PIK3CA: variants seen among roughly 807,000 people sequenced by gnomAD.
The protein encoded by PIK3CA is phosphatidylinositol 4,5-bisphosphate 3-kinase catalytic subunit alpha isoform.
PIK3CA carries 27 observed loss-of-function variants against 138.2 expected under a neutral mutation model. The ratio of observed to expected loss-of-function variants is 0.20; its 90% CI spans 0.14 to 0.27. The LOEUF is 0.27. PIK3CA is among the 10% of genes least tolerant of loss of function. The pLI, the probability that PIK3CA is intolerant of heterozygous loss-of-function variation, is 1.00. For missense variants in PIK3CA, 544 were observed against 1,277.4 expected (o/e 0.43, Z 8.75); for synonymous variants, 358 against 413.2 (o/e 0.87, Z 1.62).
intron 1 of PIK3CA, among the ~76,000 whole-genome samples, chr3:179,161,914 T>C (rs1443083602): frequency 6.6e-6 from 1 of 152,182 alleles, no homozygotes; most frequent in Non-Finnish European, 1.5e-5. Flanking sequence ...AAAAGCTGAG[T>C]GATTAAACAT....
chr3:179,150,201 GTT>G (rs1491289057), intron 1 of PIK3CA, among the ~76,000 whole-genome samples: 11 of 148,836 alleles, frequency 7.4e-5, no homozygotes, highest in Non-Finnish European at 1.5e-4. Flanking sequence ...GTGTGTGTGT[GTT>G]GGTATTTTGC....
intron 1 of PIK3CA, among the ~76,000 whole-genome samples, chr3:179,188,659 C>T (rs1020976807): frequency 2.6e-5 from 4 of 152,136 alleles, no homozygotes; most frequent in African/African-American, 7.2e-5. Context: ...TCTGCCTTGA[C>T]TCCCTTCCTC....
intron 1 of PIK3CA, among the ~76,000 whole-genome samples, chr3:179,174,423 T>C (rs1029613523): frequency 3.3e-5 from 5 of 152,222 alleles, no homozygotes; most frequent in African/African-American, 1.2e-4. Flanking sequence ...TGAGCCGAGA[T>C]TGTGCCACTG....
chr3:179,162,607 A>G (rs563773883), intron 1 of PIK3CA, among the ~76,000 whole-genome samples: 30 of 152,286 alleles, frequency 2.0e-4, no homozygotes, highest in Non-Finnish European at 3.4e-4. Flanking sequence ...AAATAGATGT[A>G]AGGCAAATAT....
In PIK3CA at chr3:179,234,977, C is replaced by G. The variant is rs1244249358; in HGVS notation, c.*613C>G. The G allele has an allele frequency of 4.6e-6, 1 of 218,356 alleles. No individual in the cohort carries two copies. Among genetic ancestry groups the G allele is most frequent in the Non-Finnish European group, 9.2e-6 (1 of 109,038 alleles). The allele number at this position is 218,356 out of a possible 1,614,324, so 13.5% of individuals were successfully genotyped here. ...ACTTTTTCTTTTTAATAAATCAAAC[C>G]TTTTGATGATTTGAGGTTTTATCTG... is the stretch of plus-strand genomic sequence containing the variant. On this transcript the variant is annotated 3_prime_UTR_variant, in exon 21 of 21. Transcript: ENST00000263967. This position sits in a 1 kb window ranked among gnomAD's most constrained non-coding sequence, Gnocchi z 5.1.
intron 7 of PIK3CA, 70 bp downstream of exon 7, chr3:179,209,770 T>C: frequency 1.3e-6 from 1 of 761,772 alleles, no homozygotes; most frequent in Non-Finnish European, 2.1e-6. Flanking sequence ...GATTGAATTT[T>C]TTCACAAATT....
intron 1 of PIK3CA, among the ~76,000 whole-genome samples, chr3:179,197,971 C>A (rs1249433792): frequency 6.6e-6 from 1 of 152,122 alleles, no homozygotes; most frequent in Non-Finnish European, 1.5e-5. Flanking sequence ...CAGAGAGAGT[C>A]ATGGATCTTA....
chr3:179,238,141 T>G lies in PIK3CA; in HGVS notation c.*3777T>G. The G allele has an allele frequency of 4.5e-6, 1 of 224,052 alleles. No homozygotes were observed. The highest frequency in any genetic ancestry group is 8.9e-6 in the Non-Finnish European group (1 of 112,112). 13.9% of individuals were successfully genotyped at this position (224,052 alleles called of 1,614,324 possible). A position where few individuals can be genotyped will look rare whatever the true frequency, so the allele number is the denominator to read the frequency against. On this transcript the variant is annotated 3_prime_UTR_variant, in exon 21 of 21. Transcript: ENST00000263967. The stretch of plus-strand genomic sequence containing the variant: ...CCATCCTGCTCATTTGGGGCATGTC[T>G]TTAAGAGAAGGCTGAAAGTTGTGAG...
intron 1 of PIK3CA, among the ~76,000 whole-genome samples, chr3:179,192,845 A>G (rs930574039): frequency 6.6e-6 from 1 of 152,360 alleles, no homozygotes; most frequent in South Asian, 2.1e-4. Context: ...ATAGAGTTCT[A>G]ATGTAAATAT....
At chr3:179,203,404 G>T (rs1009092247) in intron 4 of PIK3CA, 140 bp from the exon 5 acceptor site, 4 of 629,264 alleles carry the variant, frequency 6.4e-6, no homozygotes, top group Non-Finnish European at 1.0e-5. Context: ...AAATGTTATA[G>T]GAACTACTAG....
intron 1 of PIK3CA, among the ~76,000 whole-genome samples, chr3:179,156,084 T>C (rs893649893): frequency 3.3e-5 from 5 of 152,198 alleles, no homozygotes; most frequent in Admixed American, 1.3e-4. Context: ...GAAGACAGTC[T>C]AGCTCAGTTT....
chr3:179,218,335 G>GT lies in PIK3CA; in HGVS notation c.1664+2dup. 2 of 1,603,146 alleles carry GT rather than the reference G, an allele frequency of 1.2e-6. No individual in the cohort carries two copies. Among genetic ancestry groups the GT allele is most frequent in the Non-Finnish European group, 1.7e-6 (2 of 1,174,814 alleles). On this transcript the variant is annotated splice_donor_variant, in intron 10 of 20. Transcript: ENST00000263967. LOFTEE classifies it high-confidence loss of function. Reference sequence around the variant, plus strand: ...AGAAAGATTTTCTATGGAGTCACAGGTAAGTGCTAAAATGGAGATTCTCTG... The same window carrying GT: ...AGAAAGATTTTCTATGGAGTCACAGGTTAAGTGCTAAAATGGAGATTCTCTG...
chr3:179,221,786 C>T (rs1724975073), intron 14 of PIK3CA, among the ~76,000 whole-genome samples: 1 of 143,736 alleles, frequency 7.0e-6, no homozygotes, highest in Non-Finnish European at 1.5e-5. Flanking sequence ...CGGCTCACTG[C>T]AGCCTTGACC....
intron 20 of PIK3CA, among the ~76,000 whole-genome samples, chr3:179,232,049 C>T (rs1383972053): frequency 6.6e-6 from 1 of 152,124 alleles, no homozygotes; most frequent in African/African-American, 2.4e-5. Context: ...TATTTTCTCC[C>T]ATTCTACGGG....
chr3:179,209,832 T>G (rs2108399636), intron 7 of PIK3CA, 132 bp downstream of exon 7: 2 of 466,902 alleles, frequency 4.3e-6, no homozygotes, highest in South Asian at 1.1e-4. Context: ...TTTAAAATTT[T>G]AATAAATGTA....
rs1045780121 is a variant in PIK3CA, at chr3:179,148,374, T to G, written c.-306T>G. On this transcript the variant is annotated 5_prime_UTR_variant, in exon 1 of 21. Transcript: ENST00000263967. ...AAAGCGGCAGTTCCGGTGCCGCCGC[T>G]GCGGCCGCTGAGGTGTCGGGCTGCT... The G allele has an allele frequency of 1.1e-4, 17 of 151,228 alleles. No homozygotes were observed. Among genetic ancestry groups the G allele is most frequent in the African/African-American group, 3.9e-4 (16 of 41,332 alleles). 9.4% of individuals were successfully genotyped at this position (151,228 alleles called of 1,614,324 possible). A position where few individuals can be genotyped will look rare whatever the true frequency, so the allele number is the denominator to read the frequency against.
chr3:179,172,656 A>G (rs1230900216), intron 1 of PIK3CA, among the ~76,000 whole-genome samples: 4 of 152,234 alleles, frequency 2.6e-5, no homozygotes, highest in African/African-American at 9.6e-5. Flanking sequence ...CTTAGTAATA[A>G]GAATAGATAC....
chr3:179,219,929 G>A lies in PIK3CA; in HGVS notation c.1912-20G>A, dbSNP rs1724927855. The A allele has an allele frequency of 6.2e-6, 10 of 1,605,478 alleles. No individual in the cohort carries two copies. Among genetic ancestry groups the A allele is most frequent in the Non-Finnish European group, 8.5e-6 (10 of 1,177,072 alleles). On this transcript the variant is annotated intron_variant, in intron 12 of 20. Transcript: ENST00000263967. The surrounding 1 kb of genome is among the most constrained non-coding windows in gnomAD (Gnocchi z 4.2). ...GCCATGCAGAAACTGACCCTGATTT[G>A]TTTTTTTGGAATCACCTAGGTCCTA...
Position 179,234,013 on chromosome 3 carries a change from A to G in PIK3CA, c.2937-81A>G, listed in dbSNP as rs1227838445. On this transcript the variant is annotated intron_variant, in intron 20 of 20. Coordinates refer to ENST00000263967, the MANE Select transcript of PIK3CA (RefSeq NM_006218.4). This position sits in a 1 kb window ranked among gnomAD's most constrained non-coding sequence, Gnocchi z 5.1. ...AGCTTTGTCTACGAAAGCCTCTCTAATTTTGTGACATTTGAGCAAAGACCT... is the reference window on the plus strand; with the variant it reads ...AGCTTTGTCTACGAAAGCCTCTCTAGTTTTGTGACATTTGAGCAAAGACCT... The G allele has an allele frequency of 4.1e-6, 4 of 971,660 alleles. No homozygotes were observed. The Admixed American group carries it at 9.6e-5, about 23-fold the overall frequency. 60.2% of individuals were successfully genotyped at this position (971,660 alleles called of 1,614,324 possible).
Sources: allele counts gnomAD v4.1 joint callset (sites outside exome capture counted in the v4.1 genomes callset), GRCh38; gene constraint gnomAD v4.1.1; non-coding constraint Gnocchi (gnomAD v3.1); transcripts MANE v1.5; gene names NCBI Gene and HGNC (gene_info 2026-07-23, HGNC 2026-07-21).